RDX: variants seen among roughly 807,000 people sequenced by gnomAD.
RDX encodes the protein radixin.
Under a neutral mutation model 83.7 loss-of-function variants are expected in RDX, and 32 were observed. That is an observed-to-expected ratio of 0.38 (90% CI 0.29 to 0.51). The LOEUF (loss-of-function observed/expected upper bound fraction) is 0.51. Ranked by LOEUF, RDX falls within the 20% of genes least tolerant of loss-of-function variation. The probability of loss-of-function intolerance (pLI) is 0.87; values close to 1 mark genes in which losing one functional copy is unlikely to be tolerated. For synonymous variants in RDX, 229 were observed against 222.7 expected (o/e 1.03, Z -0.25); for missense variants, 600 against 689.9 (o/e 0.87, Z 1.46).
At chr11:110,241,575 G>C (rs964217040) in intron 10 of RDX, among the ~76,000 whole-genome samples, 17 of 152,188 alleles carry the variant, frequency 1.1e-4, no homozygotes, top group African/African-American at 3.4e-4. Context: ...GGGATTACAG[G>C]TGTGAGCTAT....
intron 9 of RDX, among the ~76,000 whole-genome samples, chr11:110,253,186 C>T (rs1457364076): frequency 6.6e-6 from 1 of 151,986 alleles, no homozygotes; most frequent in Non-Finnish European, 1.5e-5. Flanking sequence ...TACAAAGTAC[C>T]TTATATCCAA....
intron 2 of RDX, among the ~76,000 whole-genome samples, chr11:110,275,017 G>A (rs1244721568): frequency 6.6e-6 from 1 of 152,184 alleles, no homozygotes; most frequent in South Asian, 2.1e-4. Flanking sequence ...GTATACTCCT[G>A]ACAGCATTGT....
chr11:110,196,280 C>A (rs1446062567), intron 15 of RDX: 1 of 152,188 alleles, frequency 6.6e-6, no homozygotes, highest in Non-Finnish European at 1.5e-5. Flanking sequence ...AATGTCTTTG[C>A]ACATTTTGTA....
intron 15 of RDX, among the ~76,000 whole-genome samples, chr11:110,181,225 C>T (rs937189934): frequency 2.0e-5 from 3 of 150,188 alleles, no homozygotes; most frequent in South Asian, 2.1e-4. Context: ...ACAAATGGAG[C>T]GAACTCGACT....
At position 110,186,771 on chromosome 11, in the gene RDX, G is replaced by A. The variant is rs911337217; in HGVS notation, c.*32-11537C>T. Among the ~76,000 whole-genome samples the A allele has an allele frequency of 5.3e-5, 8 of 152,172 alleles. No homozygotes were observed. In the South Asian group the frequency reaches 6.2e-4, roughly 12 times the overall value. On this transcript the variant is annotated intron_variant, in intron 15 of 15. Coordinates refer to the RDX transcript ENST00000528498. ...CGGACTTATGAAGCAGCTTGGACAC[G>A]GAAAAGTGGCAGATATTTTCCCAGA... is the stretch of plus-strand genomic sequence containing the variant.
chr11:110,201,957 T>TG (rs1863426443), intron 14 of RDX, among the ~76,000 whole-genome samples: 1 of 129,978 alleles, frequency 7.7e-6, no homozygotes, highest in East Asian at 2.2e-4. Context: ...GTGTGTGTGT[T>TG]TTCAGTAGAG....
chr11:110,194,306 G>A (rs1002853249), intron 15 of RDX, among the ~76,000 whole-genome samples: 8 of 152,276 alleles, frequency 5.3e-5, no homozygotes, highest in African/African-American at 1.4e-4. Context: ...AGTAACCTCC[G>A]CCTTCCGGGT....
intron 12 of RDX, 32 bp downstream of exon 12, chr11:110,236,067 C>CT (rs1385580013): frequency 7.0e-7 from 1 of 1,435,054 alleles, no homozygotes; most frequent in Non-Finnish European, 9.8e-7. Context: ...AAAAGCTATT[C>CT]AATAAAAGCT....
At chr11:110,188,425 G>GT (rs1863031253) in intron 15 of RDX, among the ~76,000 whole-genome samples, 1 of 152,080 alleles carries the variant, frequency 6.6e-6, no homozygotes, top group South Asian at 2.1e-4. Flanking sequence ...AGCGAACATC[G>GT]TATGTTCTCA....
intron 1 of RDX, among the ~76,000 whole-genome samples, chr11:110,288,122 C>T (rs1565337257): frequency 6.6e-6 from 1 of 152,112 alleles, no homozygotes; most frequent in Non-Finnish European, 1.5e-5. Context: ...TTAAGTCTTG[C>T]TCATGTAGAA....
At chr11:110,210,442 C>T (rs1007630334) in intron 14 of RDX, among the ~76,000 whole-genome samples, 5 of 142,158 alleles carry the variant, frequency 3.5e-5, no homozygotes, top group African/African-American at 1.3e-4. Context: ...AGAACTTCCC[C>T]AATCTAGCAA....
intron 15 of RDX, among the ~76,000 whole-genome samples, chr11:110,184,156 C>T (rs1305520778): frequency 1.3e-5 from 2 of 152,176 alleles, no homozygotes; most frequent in African/African-American, 2.4e-5. Flanking sequence ...AACAATCTGG[C>T]GCTGGAGACG....
At chr11:110,222,565 G>A (rs768441188) in intron 14 of RDX, among the ~76,000 whole-genome samples, 4 of 152,178 alleles carry the variant, frequency 2.6e-5, no homozygotes, top group Non-Finnish European at 5.9e-5. Context: ...GGGAGGCCAA[G>A]GCAGGTGGAT....
intron 15 of RDX, among the ~76,000 whole-genome samples, chr11:110,190,927 T>C (rs1383208778): frequency 6.6e-6 from 1 of 152,110 alleles, no homozygotes; most frequent in Non-Finnish European, 1.5e-5. Context: ...AGTATCAAGT[T>C]CCAAAATTGA....
At chr11:110,266,409 A>T (rs549182807) in intron 3 of RDX, among the ~76,000 whole-genome samples, 3 of 152,194 alleles carry the variant, frequency 2.0e-5, no homozygotes, top group Non-Finnish European at 2.9e-5. Context: ...ACCCACACCT[A>T]ACAAAAGCAT....
At chr11:110,292,167 C>T (rs1415475244) in intron 1 of RDX, among the ~76,000 whole-genome samples, 1 of 151,974 alleles carries the variant, frequency 6.6e-6, no homozygotes, top group Non-Finnish European at 1.5e-5. Context: ...GTGGCATGTG[C>T]CTTAAATCCC....
intron 11 of RDX, chr11:110,236,772 C>T (rs1355864087): frequency 6.5e-6 from 1 of 154,004 alleles, no homozygotes; most frequent in African/African-American, 2.4e-5. Flanking sequence ...AGGCGTGCAC[C>T]ACTGTGCCTG....
chr11:110,251,544 A>G (rs1422734722), intron 9 of RDX, among the ~76,000 whole-genome samples: 1 of 152,148 alleles, frequency 6.6e-6, no homozygotes, highest in African/African-American at 2.4e-5. Flanking sequence ...TCAAGCCCAG[A>G]TTTATCTAGT....
downstream of RDX, among the ~76,000 whole-genome samples, chr11:110,227,072 A>G (rs998621380): frequency 6.6e-6 from 1 of 152,168 alleles, no homozygotes; most frequent in African/African-American, 2.4e-5. Context: ...AATTTCATAG[A>G]CTTTTCAATA....
Sources: gnomAD v4.1 joint callset for allele counts (sites outside exome capture counted in the v4.1 genomes callset) on GRCh38, gnomAD v4.1.1 for gene constraint, MANE v1.5 for transcripts, NCBI Gene and HGNC (gene_info 2026-07-23, HGNC 2026-07-21) for gene names.